SIPA1L1: variants seen among roughly 807,000 people sequenced by gnomAD.
SIPA1L1 encodes signal induced proliferation associated 1 like 1.
A neutral mutation model predicts 162.7 loss-of-function variants in SIPA1L1; 26 were observed. The ratio of observed to expected loss-of-function variants is 0.16; its 90% CI spans 0.12 to 0.22. SIPA1L1 has a LOEUF of 0.22. Among genes scored for constraint, SIPA1L1 ranks in the 10% least tolerant of loss-of-function variants. The pLI, the probability that SIPA1L1 is intolerant of heterozygous loss-of-function variation, is 1.00. For missense variants in SIPA1L1, 1,874 were observed against 2,241.0 expected (o/e 0.84, Z 3.31); for synonymous variants, 829 against 837.4 (o/e 0.99, Z 0.17).
intron 6 of SIPA1L1, among the ~76,000 whole-genome samples, chr14:71,620,541 T>A (rs1294178174): frequency 1.3e-5 from 2 of 152,240 alleles, no homozygotes; most frequent in Admixed American, 6.5e-5. Flanking sequence ...CACTTGTTCA[T>A]CCTATCCTTC....
chr14:71,545,855 CT>C (rs2146026609), intron 4 of SIPA1L1, among the ~76,000 whole-genome samples: 1 of 152,144 alleles, frequency 6.6e-6, no homozygotes, highest in Admixed American at 6.5e-5. Context: ...AATCCTAGCA[CT>C]TTGGGAGGCT....
intron 2 of SIPA1L1, among the ~76,000 whole-genome samples, chr14:71,453,859 T>G (rs1343594284): frequency 2.0e-5 from 3 of 151,848 alleles, no homozygotes. Flanking sequence ...CTGGGCATGG[T>G]GGCTCACTCG....
intron 5 of SIPA1L1, among the ~76,000 whole-genome samples, chr14:71,617,776 A>G (rs2038995414): frequency 6.6e-6 from 1 of 152,270 alleles, no homozygotes; most frequent in Non-Finnish European, 1.5e-5. Context: ...CGTGTCAGAT[A>G]TAAATGAAAT....
intron 4 of SIPA1L1, among the ~76,000 whole-genome samples, chr14:71,551,847 T>C (rs2055867270): frequency 6.6e-6 from 1 of 152,180 alleles, no homozygotes; most frequent in Non-Finnish European, 1.5e-5. Flanking sequence ...CCTGGAACAT[T>C]CATGCTTTGT....
At chr14:71,683,512 A>G (rs1274933945) in intron 12 of SIPA1L1, among the ~76,000 whole-genome samples, 1 of 152,238 alleles carries the variant, frequency 6.6e-6, no homozygotes, top group Non-Finnish European at 1.5e-5. Context: ...CTGATCCAGA[A>G]CATTAGATCT....
At position 71,437,112 on chromosome 14, in the gene SIPA1L1, G is replaced by A. The variant is rs971703917; in HGVS notation, c.-464-75631G>A. On this transcript the variant is annotated intron_variant, in intron 2 of 23. Coordinates refer to ENST00000381232, the MANE Select transcript of SIPA1L1 (RefSeq NM_001386936.1). Reference sequence around the variant, plus strand: ...ATCCTGATAATCTTATTGGGATTGCGTTAAATTTACTTATTAATTTAAAAT... The same window carrying A: ...ATCCTGATAATCTTATTGGGATTGCATTAAATTTACTTATTAATTTAAAAT... Among the ~76,000 whole-genome samples the A allele has an allele frequency of 1.4e-4, 22 of 152,132 alleles. No homozygotes were observed. In the East Asian group the frequency reaches 2.9e-3, roughly 20 times the overall value.
chr14:71,420,745 G>A (rs2043131451), intron 2 of SIPA1L1, among the ~76,000 whole-genome samples: 1 of 150,306 alleles, frequency 6.7e-6, no homozygotes, highest in Admixed American at 6.6e-5. Flanking sequence ...GTTTTTTTTT[G>A]TTGGAGTTTC....
intron 2 of SIPA1L1, among the ~76,000 whole-genome samples, chr14:71,403,733 T>G (rs2041845524): frequency 6.6e-6 from 1 of 152,184 alleles, no homozygotes. Context: ...AATTAAATTC[T>G]GAGTAATTTT....
At chr14:71,613,779 A>G (rs188863445) in intron 5 of SIPA1L1, among the ~76,000 whole-genome samples, 54 of 152,326 alleles carry the variant, frequency 3.5e-4, no homozygotes, top group Non-Finnish European at 6.6e-4. Flanking sequence ...CTAGCAAACA[A>G]TGGAAGTCGA....
intron 3 of SIPA1L1, among the ~76,000 whole-genome samples, chr14:71,522,034 T>A (rs536492082): frequency 2.6e-5 from 4 of 152,346 alleles, no homozygotes; most frequent in African/African-American, 9.6e-5. Context: ...TGTGTGTCTG[T>A]TGATGGTAAA....
chr14:71,690,320 A>G (rs1174852998), intron 13 of SIPA1L1, among the ~76,000 whole-genome samples: 1 of 151,944 alleles, frequency 6.6e-6, no homozygotes, highest in East Asian at 1.9e-4. Flanking sequence ...CTCACTGTAA[A>G]CTCAAACTCC....
chr14:71,357,766 C>T (rs1225692068), intron 2 of SIPA1L1, among the ~76,000 whole-genome samples: 1 of 152,148 alleles, frequency 6.6e-6, no homozygotes, highest in Non-Finnish European at 1.5e-5. Flanking sequence ...TTTACTCTGT[C>T]ACCCACGCTG....
At chr14:71,425,854 A>G (rs978788708) in intron 2 of SIPA1L1, among the ~76,000 whole-genome samples, 8 of 148,122 alleles carry the variant, frequency 5.4e-5, no homozygotes, top group African/African-American at 2.0e-4. Flanking sequence ...TTTATTTTAG[A>G]TTTATTTTAG....
chr14:71,663,037 CT>C (rs1472186211), intron 10 of SIPA1L1, among the ~76,000 whole-genome samples: 1 of 152,170 alleles, frequency 6.6e-6, no homozygotes, highest in Non-Finnish European at 1.5e-5. Context: ...AGAGTTTCTT[CT>C]TTTCAAGCCT....
chr14:71,589,575 T>C (rs572335231), intron 5 of SIPA1L1, among the ~76,000 whole-genome samples: 7 of 152,330 alleles, frequency 4.6e-5, no homozygotes, highest in Admixed American at 3.9e-4. Context: ...TATATAAATG[T>C]CTTGTATGTT....
At chr14:71,553,806 C>T (rs1224182686) in intron 4 of SIPA1L1, among the ~76,000 whole-genome samples, 3 of 151,930 alleles carry the variant, frequency 2.0e-5, no homozygotes, top group African/African-American at 7.3e-5. Flanking sequence ...TGTATGTAAC[C>T]TAGTTTTTAG....
chr14:71,732,498 T>C (rs2084890781), intron 20 of SIPA1L1, among the ~76,000 whole-genome samples: 1 of 152,198 alleles, frequency 6.6e-6, no homozygotes, highest in Admixed American at 6.5e-5. Context: ...TCTGCCTGCA[T>C]GAACCTGAGC....
chr14:71,441,457 T>A (rs1196127021), intron 2 of SIPA1L1, among the ~76,000 whole-genome samples: 1 of 152,202 alleles, frequency 6.6e-6, no homozygotes, highest in East Asian at 1.9e-4. Flanking sequence ...CCATCTAGAT[T>A]ATTTATAAAA....
chr14:71,630,606 T>C (rs972695883), intron 7 of SIPA1L1, among the ~76,000 whole-genome samples: 2 of 152,198 alleles, frequency 1.3e-5, no homozygotes, highest in African/African-American at 4.8e-5. Flanking sequence ...GTTAAACCAA[T>C]TTCTTTCCTA....
Sources: allele counts gnomAD v4.1 joint callset (sites outside exome capture counted in the v4.1 genomes callset), GRCh38; gene constraint gnomAD v4.1.1; transcripts MANE v1.5; gene names NCBI Gene and HGNC (gene_info 2026-07-23, HGNC 2026-07-21).